The following HMGCLL1 variants were observed in gnomAD, a reference collection of about 807,000 sequenced individuals.
HMGCLL1 encodes the protein 3-hydroxymethyl-3-methylglutaryl-CoA lyase, cytoplasmic.
HMGCLL1 carries 36 observed loss-of-function variants against 39.1 expected under a neutral mutation model. The observed-to-expected ratio is 0.92, with a 90% CI of 0.71 to 1.22. The LOEUF is 1.22. HMGCLL1 is among the 50% of genes most tolerant of loss of function. The pLI is 0.00. For synonymous variants in HMGCLL1, 149 were observed against 144.0 expected, an observed-to-expected ratio of 1.03 and a Z score of -0.25; for missense variants, 451 against 416.5, an observed-to-expected ratio of 1.08 and a Z score of -0.72.
the HMGCLL1 span, among the ~76,000 whole-genome samples, chr6:55,656,416 C>T: frequency 6.6e-6 from 1 of 151,976 alleles, no homozygotes; most frequent in East Asian, 1.9e-4. Context: ...AAGCCATATT[C>T]CTCAGCTCCC....
the HMGCLL1 span, among the ~76,000 whole-genome samples, chr6:55,657,550 T>TA: frequency 5.9e-5 from 9 of 152,030 alleles, no homozygotes; most frequent in Non-Finnish European, 2.9e-5. Context: ...TCTATGTGTC[T>TA]GTTTTTGTAC....
intron 7 of HMGCLL1, among the ~76,000 whole-genome samples, chr6:55,463,334 A>G (rs904567910): frequency 6.6e-6 from 1 of 152,004 alleles, no homozygotes; most frequent in Non-Finnish European, 1.5e-5. Flanking sequence ...GCCCGGCCCC[A>G]GTCTTTAGCT....
intron 1 of HMGCLL1, chr6:55,563,780 A>T (rs1223062098): frequency 1.2e-6 from 1 of 829,546 alleles, no homozygotes; most frequent in Non-Finnish European, 1.7e-6. Context: ...TTCTCCTTTC[A>T]AACAGTTTGA....
chr6:55,547,651 GA>G (rs545159379), intron 1 of HMGCLL1, among the ~76,000 whole-genome samples: 2 of 151,938 alleles, frequency 1.3e-5, no homozygotes, highest in Non-Finnish European at 2.9e-5. Flanking sequence ...ACACAGATCA[GA>G]GGGCTGAATC....
intron 7 of HMGCLL1, among the ~76,000 whole-genome samples, chr6:55,477,310 A>AT (rs1765444759): frequency 7.1e-5 from 1 of 14,160 alleles, no homozygotes; most frequent in African/African-American, 6.5e-4. Context: ...TATATTATAT[A>AT]TATAATATAT....
chr6:55,583,683 T>C (rs1219453467), upstream of HMGCLL1, among the ~76,000 whole-genome samples: 1 of 152,174 alleles, frequency 6.6e-6, no homozygotes, highest in African/African-American at 2.4e-5. Flanking sequence ...TATAGCAGCA[T>C]GATTTATAGT....
At chr6:55,672,508 A>G in the HMGCLL1 span, among the ~76,000 whole-genome samples, 6 of 151,976 alleles carry the variant, frequency 3.9e-5, no homozygotes, top group South Asian at 1.2e-3. Flanking sequence ...TAATATAATC[A>G]AATTGAACAG....
chr6:55,670,368 A>G, the HMGCLL1 span, among the ~76,000 whole-genome samples: 1 of 151,894 alleles, frequency 6.6e-6, no homozygotes, highest in Non-Finnish European at 1.5e-5. Flanking sequence ...AAAGTACTTC[A>G]GACAAAACAG....
In HMGCLL1 at chr6:55,515,511, CA is replaced by C. The variant is rs1044181034; in HGVS notation, c.393+996del. ...TTTTACAGATGAAACAGCTATAGCG[CA>C]AAAAAGGTAAATCCTTAGCATGATA... On this transcript the variant is annotated intron_variant, in intron 4 of 8. Transcript: ENST00000274901. 3.9e-5 allele frequency among the ~76,000 whole-genome samples: 6 copies of C among 152,012 alleles called. No homozygotes were observed. The East Asian group carries it at 7.8e-4, about 20-fold the overall frequency.
chr6:55,577,039 G>A (rs1171076170), intron 1 of HMGCLL1: 5 of 1,609,912 alleles, frequency 3.1e-6, no homozygotes, highest in Non-Finnish European at 4.2e-6. Flanking sequence ...ACTCACACTA[G>A]GAAGAGTGTA....
At chr6:55,460,945 T>C (rs914430676) in intron 7 of HMGCLL1, among the ~76,000 whole-genome samples, 2 of 151,998 alleles carry the variant, frequency 1.3e-5, no homozygotes, top group Non-Finnish European at 2.9e-5. Flanking sequence ...GTAAGAAATA[T>C]CTAGGAGACA....
intron 7 of HMGCLL1, among the ~76,000 whole-genome samples, chr6:55,485,733 T>A (rs1765990646): frequency 6.6e-6 from 1 of 151,888 alleles, no homozygotes; most frequent in South Asian, 2.1e-4. Context: ...AAATAGAAAT[T>A]AAAATGGCAT....
chr6:55,656,895 A>T, the HMGCLL1 span, among the ~76,000 whole-genome samples: 1 of 151,964 alleles, frequency 6.6e-6, no homozygotes, highest in African/African-American at 2.4e-5. Context: ...CTGGGTAAAG[A>T]AAAATGGCTA....
the HMGCLL1 span, among the ~76,000 whole-genome samples, chr6:55,654,427 G>A: frequency 0.014 from 2,155 of 151,764 alleles, 44 homozygotes; most frequent in African/African-American, 0.049. Flanking sequence ...TGAAAATGAA[G>A]AACATTATAT....
intron 6 of HMGCLL1, among the ~76,000 whole-genome samples, chr6:55,497,066 T>C (rs979646733): frequency 2.0e-5 from 3 of 152,120 alleles, no homozygotes; most frequent in African/African-American, 7.2e-5. Flanking sequence ...TTGAGGTAAA[T>C]TGCAAGATCT....
At chr6:55,632,615 AT>A in the HMGCLL1 span, among the ~76,000 whole-genome samples, 3 of 152,044 alleles carry the variant, frequency 2.0e-5, no homozygotes, top group South Asian at 6.2e-4. Context: ...TCAGTTTAAT[AT>A]TTTTGAAGTA....
the HMGCLL1 span, among the ~76,000 whole-genome samples, chr6:55,592,944 T>C: frequency 1.3e-5 from 2 of 152,154 alleles, no homozygotes; most frequent in African/African-American, 4.8e-5. Flanking sequence ...TATAGCTGTC[T>C]TGCTGAAATT....
the HMGCLL1 span, among the ~76,000 whole-genome samples, chr6:55,603,768 A>G: frequency 6.6e-6 from 1 of 152,132 alleles, no homozygotes; most frequent in Non-Finnish European, 1.5e-5. Flanking sequence ...TTATATAAGC[A>G]TGTTTATGTT....
chr6:55,468,048 G>A (rs1436196973), intron 7 of HMGCLL1, among the ~76,000 whole-genome samples: 4 of 151,914 alleles, frequency 2.6e-5, no homozygotes, highest in African/African-American at 9.7e-5. Context: ...CCAGTCCAGG[G>A]GATTTGGGAA....
Sources: allele counts gnomAD v4.1 joint callset (sites outside exome capture counted in the v4.1 genomes callset), GRCh38; gene constraint gnomAD v4.1.1; transcripts MANE v1.5; gene names NCBI Gene and HGNC (gene_info 2026-07-23, HGNC 2026-07-21).